The following SLC12A2 variants were observed in gnomAD, a reference collection of about 807,000 sequenced individuals.
SLC12A2 encodes solute carrier family 12 member 2.
A neutral mutation model predicts 136.3 loss-of-function variants in SLC12A2; 67 were observed. That is an observed-to-expected ratio of 0.49 (90% CI 0.40 to 0.60). The LOEUF (loss-of-function observed/expected upper bound fraction) is 0.60. Ranked by LOEUF, SLC12A2 falls within the 20% of genes least tolerant of loss-of-function variation. The pLI is 0.00. For missense variants in SLC12A2, 1,322 were observed against 1,534.7 expected, an observed-to-expected ratio of 0.86 and a Z score of 2.32; for synonymous variants, 619 against 562.9, an observed-to-expected ratio of 1.10 and a Z score of -1.41.
In SLC12A2 at chr5:128,186,897, T is replaced by C; in HGVS notation, c.*266T>C. The stretch of plus-strand genomic sequence containing the variant: ...GAGTAGTTTTCCTTTGCTACTTGAA[T>C]AGCAATAAAAGCGTGTTAACTTTTT... On this transcript the variant is annotated 3_prime_UTR_variant, in exon 27 of 27. Transcript: ENST00000262461. 3.3e-6 allele frequency: 1 copy of C among 306,878 alleles called. No homozygotes were observed. Among genetic ancestry groups the C allele is most frequent in the East Asian group, 5.4e-5 (1 of 18,528 alleles). 19.0% of individuals were successfully genotyped at this position (306,878 alleles called of 1,614,324 possible). A position where few individuals can be genotyped will look rare whatever the true frequency, so the allele number is the denominator to read the frequency against.
chr5:128,140,552 A>G (rs1367428915), intron 9 of SLC12A2, among the ~76,000 whole-genome samples: 1 of 152,234 alleles, frequency 6.6e-6, no homozygotes, highest in Non-Finnish European at 1.5e-5. Flanking sequence ...TTTACCGTCT[A>G]ACATTGCTGG....
At chr5:128,132,826 T>G (rs1020054785) in intron 5 of SLC12A2, among the ~76,000 whole-genome samples, 1 of 152,210 alleles carries the variant, frequency 6.6e-6, no homozygotes, top group Admixed American at 6.5e-5. Flanking sequence ...TTTAATTTAG[T>G]GTATATTTTT....
chr5:128,181,284 G>A (rs996036162), intron 23 of SLC12A2, among the ~76,000 whole-genome samples: 1 of 151,776 alleles, frequency 6.6e-6, no homozygotes, highest in Admixed American at 6.6e-5. Flanking sequence ...TTTTAATCAG[G>A]GAGAAAATGC....
chr5:128,092,032 G>C (rs1760342567), intron 1 of SLC12A2, among the ~76,000 whole-genome samples: 1 of 152,104 alleles, frequency 6.6e-6, no homozygotes, highest in African/African-American at 2.4e-5. Flanking sequence ...AGGGAGCGTA[G>C]GTGGTTTGGC....
intron 1 of SLC12A2, among the ~76,000 whole-genome samples, chr5:128,101,296 A>G (rs1325622481): frequency 6.6e-6 from 1 of 152,136 alleles, no homozygotes; most frequent in Non-Finnish European, 1.5e-5. Flanking sequence ...TGGGGTCAAA[A>G]TTTGCATATG....
chr5:128,180,948 G>C lies in SLC12A2; in HGVS notation c.3166G>C (p.Val1056Leu). Residue 1056 changes from valine (V) to leucine (L), a missense_variant, in exon 23 of 27, where the codon GTA (valine) becomes CTA (leucine). Physicochemically the swap from Val to Leu is conservative, Grantham distance 32. Coordinates refer to ENST00000262461, the MANE Select transcript of SLC12A2 (RefSeq NM_001046.3). ...AAAATGGAAAGACTGTAAGATCAGAGTATTCATTGGTGGAAAGATAAACAG... is the reference window on the plus strand; with the variant it reads ...AAAATGGAAAGACTGTAAGATCAGACTATTCATTGGTGGAAAGATAAACAG... ...KKKWKDCKIR[V>L]FIGGKINRID... 6.2e-7 allele frequency: 1 copy of C among 1,612,710 alleles called. No homozygotes were observed.
chr5:128,182,302 C>T (rs1763730161), intron 23 of SLC12A2, among the ~76,000 whole-genome samples: 1 of 152,060 alleles, frequency 6.6e-6, no homozygotes, highest in Admixed American at 6.5e-5. Context: ...GTTTCATTGC[C>T]AGCTAAGCCT....
intron 1 of SLC12A2, among the ~76,000 whole-genome samples, chr5:128,085,659 TG>T (rs1760075612): frequency 6.6e-6 from 1 of 152,250 alleles, no homozygotes; most frequent in Admixed American, 6.5e-5. Context: ...ATGACTACAT[TG>T]ATGGAATTTG....
chr5:128,109,526 C>T (rs993053266), intron 1 of SLC12A2: 48 of 637,522 alleles, frequency 7.5e-5, no homozygotes, highest in Non-Finnish European at 1.4e-4. Context: ...TTTCTGGGGA[C>T]AGTTCCAGCA....
chr5:128,146,538 GTT>G (rs148115807), intron 10 of SLC12A2, among the ~76,000 whole-genome samples: 44,921 of 141,228 alleles, frequency 0.32, 7,933 homozygotes, highest in African/African-American at 0.5. Flanking sequence ...TGTTGTTGGT[GTT>G]TTTTTTTTTT....
intron 18 of SLC12A2, chr5:128,170,390 G>A (rs981450219): frequency 2.0e-5 from 3 of 152,010 alleles, no homozygotes; most frequent in Admixed American, 6.5e-5. Context: ...ATAGGAATGT[G>A]GCCAAATTGT....
chr5:128,157,280 T>A (rs1762896505), intron 15 of SLC12A2, among the ~76,000 whole-genome samples: 1 of 152,210 alleles, frequency 6.6e-6, no homozygotes. Context: ...ACATTAAATA[T>A]CAGTGATTTC....
At chr5:128,127,712 G>A (rs1761869768) in intron 4 of SLC12A2, among the ~76,000 whole-genome samples, 1 of 151,834 alleles carries the variant, frequency 6.6e-6, no homozygotes, top group Non-Finnish European at 1.5e-5. Context: ...CAAAATCATT[G>A]TAATCAAGTC....
At chr5:128,170,156 A>G (rs1763327100) in intron 18 of SLC12A2, 1 of 152,212 alleles carries the variant, frequency 6.6e-6, no homozygotes, top group Non-Finnish European at 1.5e-5. Context: ...TTTATAGCTT[A>G]TAACAAAAAC....
At chr5:128,123,327 C>T (rs1469723026) in intron 4 of SLC12A2, among the ~76,000 whole-genome samples, 1 of 152,050 alleles carries the variant, frequency 6.6e-6, no homozygotes, top group Non-Finnish European at 1.5e-5. Context: ...AAGAGGCAAA[C>T]TCCTTATTTT....
chr5:128,132,876 T>TTG (rs1762072047), intron 5 of SLC12A2, among the ~76,000 whole-genome samples: 2 of 151,898 alleles, frequency 1.3e-5, no homozygotes, highest in Non-Finnish European at 2.9e-5. Context: ...TATGAAGTCT[T>TTG]ATCAAAGTAT....
Position 128,187,883 on chromosome 5 carries a change from A to G in SLC12A2, c.*1252A>G, listed in dbSNP as rs1334864902. 1 of 152,652 alleles carries G rather than the reference A, an allele frequency of 6.6e-6. No homozygotes were observed. Among genetic ancestry groups the G allele is most frequent in the Admixed American group, 6.5e-5 (1 of 15,282 alleles). 9.5% of individuals were successfully genotyped at this position (152,652 alleles called of 1,614,324 possible). ...TATGTACTGTTACTAAAAGCTTTAT[A>G]TGAAATTATTAATGTGAAGTTTTTC... On this transcript the variant is annotated 3_prime_UTR_variant, in exon 27 of 27. Coordinates refer to ENST00000262461, the MANE Select transcript of SLC12A2 (RefSeq NM_001046.3).
At chr5:128,163,823 G>C (rs1019317636) in intron 17 of SLC12A2, among the ~76,000 whole-genome samples, 3 of 152,124 alleles carry the variant, frequency 2.0e-5, no homozygotes, top group East Asian at 1.9e-4. Flanking sequence ...AATGCAAAGA[G>C]AACATGAAGA....
intron 5 of SLC12A2, among the ~76,000 whole-genome samples, chr5:128,132,121 A>T (rs1453636066): frequency 6.6e-6 from 1 of 152,162 alleles, no homozygotes. Context: ...ATTTCCATTG[A>T]AGTTAGGGTC....
Sources: allele counts gnomAD v4.1 joint callset (sites outside exome capture counted in the v4.1 genomes callset), GRCh38; gene constraint gnomAD v4.1.1; transcripts MANE v1.5; gene names NCBI Gene and HGNC (gene_info 2026-07-23, HGNC 2026-07-21).